The following SEC61A2 variants were observed in gnomAD, a reference collection of about 807,000 sequenced individuals.
The protein encoded by SEC61A2 is SEC61 translocon subunit alpha 2.
In SEC61A2, 28 loss-of-function variants were observed where a neutral mutation model predicts 59.9. That is an observed-to-expected ratio of 0.47 (90% CI 0.35 to 0.64). The LOEUF (loss-of-function observed/expected upper bound fraction) is 0.64, where lower values mean the gene tolerates loss of function less well. Ranked by LOEUF, SEC61A2 falls within the 30% of genes least tolerant of loss-of-function variation. SEC61A2 has a pLI of 0.01. For synonymous variants in SEC61A2, 202 were observed against 214.4 expected (o/e 0.94, Z 0.50); for missense variants, 340 against 585.9 (o/e 0.58, Z 4.33).
intron 1 of SEC61A2, among the ~76,000 whole-genome samples, chr10:12,131,804 C>T (rs1833745850): frequency 1.4e-5 from 2 of 141,018 alleles, no homozygotes; most frequent in Non-Finnish European, 1.5e-5. Context: ...CATTCTCCTG[C>T]CTCAGCCTCC....
At chr10:12,138,024 GATACATAC>G (rs759573424) in intron 3 of SEC61A2, among the ~76,000 whole-genome samples, 1 of 151,806 alleles carries the variant, frequency 6.6e-6, no homozygotes, top group African/African-American at 2.4e-5. Context: ...TAAATACATA[GATACATAC>G]ATACATACAT....
chr10:12,167,847 G>T, downstream of SEC61A2: 1 of 1,610,148 alleles, frequency 6.2e-7, no homozygotes, highest in Non-Finnish European at 8.5e-7. Context: ...AGATCATGCC[G>T]TTAAGGAAGG....
intron 1 of SEC61A2, chr10:12,130,800 C>T (rs573581717): frequency 6.5e-6 from 1 of 153,762 alleles, no homozygotes; most frequent in South Asian, 2.0e-4. Context: ...TCTCAAAAAC[C>T]GCAGTTACTT....
At chr10:12,140,848 T>C (rs1355221037) in intron 3 of SEC61A2, among the ~76,000 whole-genome samples, 1 of 151,850 alleles carries the variant, frequency 6.6e-6, no homozygotes, top group Non-Finnish European at 1.5e-5. Flanking sequence ...GATCCACCCA[T>C]CTCGACCTCC....
intron 6 of SEC61A2, among the ~76,000 whole-genome samples, chr10:12,151,321 T>C (rs972757439): frequency 6.7e-6 from 1 of 150,004 alleles, no homozygotes; most frequent in Non-Finnish European, 1.5e-5. Flanking sequence ...CTTTTCTTTT[T>C]TTTTTTTTTG....
chr10:12,129,751 G>A lies in SEC61A2; in HGVS notation c.-37G>A. 1.3e-6 allele frequency: 2 copies of A among 1,488,252 alleles called. No individual in the cohort carries two copies. The highest frequency in any genetic ancestry group is 1.4e-5 in the African/African-American group (1 of 69,178). The allele number at this position is 1,488,252 out of a possible 1,614,324, so 92.2% of individuals were successfully genotyped here. ...GGGAGTCGAGCGAAGGCAGCGCCGA[G>A]GCCGCGGTTTCCCCCTGGGCCTCCC... On this transcript the variant is annotated 5_prime_UTR_variant, in exon 1 of 12. Transcript: ENST00000298428. This position sits in a 1 kb window ranked among gnomAD's most constrained non-coding sequence, Gnocchi z 5.6.
intron 9 of SEC61A2, among the ~76,000 whole-genome samples, chr10:12,159,079 G>C (rs1834472782): frequency 6.6e-6 from 1 of 151,204 alleles, no homozygotes; most frequent in Non-Finnish European, 1.5e-5. Flanking sequence ...CCGGGTTCAT[G>C]CCATTCTCCT....
chr10:12,164,506 T>C lies in SEC61A2; in HGVS notation c.*52T>C, dbSNP rs771581655. 46 of 1,570,738 alleles carry C rather than the reference T, an allele frequency of 2.9e-5. No homozygotes were observed. The highest frequency in any genetic ancestry group is 3.5e-5 in the Non-Finnish European group (41 of 1,157,850). ...GTGAAAGGGAAAACACTTTGACGGA[T>C]CGTTTTTGTCAGATGACACTGGTGG... On this transcript the variant is annotated 3_prime_UTR_variant, in exon 12 of 12. Transcript: ENST00000298428. This position sits in a 1 kb window ranked among gnomAD's most constrained non-coding sequence, Gnocchi z 7.3.
chr10:12,137,362 C>G (rs1304661985), intron 3 of SEC61A2, among the ~76,000 whole-genome samples: 2 of 152,006 alleles, frequency 1.3e-5, no homozygotes, highest in Non-Finnish European at 2.9e-5. Context: ...ACTCTGTCAC[C>G]CAGGCTGCAG....
At chr10:12,157,437 G>T (rs1295269315) in intron 8 of SEC61A2, among the ~76,000 whole-genome samples, 2 of 151,448 alleles carry the variant, frequency 1.3e-5, no homozygotes, top group Non-Finnish European at 2.9e-5. Context: ...CCGAGTTCAA[G>T]TGATTCTCCT....
chr10:12,141,962 A>G (rs1834032820), intron 3 of SEC61A2, among the ~76,000 whole-genome samples: 1 of 152,208 alleles, frequency 6.6e-6, no homozygotes, highest in South Asian at 2.1e-4. Context: ...AGACAGAAGC[A>G]TAGTTTGGGG....
At position 12,156,849 on chromosome 10, in the gene SEC61A2, A is replaced by G. The variant is rs1386905272; in HGVS notation, c.617-58A>G. On this transcript the variant is annotated intron_variant, in intron 7 of 11. Transcript: ENST00000298428. The surrounding 1 kb of genome is among the most constrained non-coding windows in gnomAD (Gnocchi z 5.2). ...CTGGACTTTCACGGTTAGTTGTTTG[A>G]GCTTTGGGACAGCTTTGGACGATGA... 6.4e-7 allele frequency: 1 copy of G among 1,565,626 alleles called. No homozygotes were observed. Among genetic ancestry groups the G allele is most frequent in the African/African-American group, 1.4e-5 (1 of 72,330 alleles).
downstream of SEC61A2, chr10:12,165,680 A>AAAAG (rs1834658174): frequency 6.6e-6 from 1 of 152,270 alleles, no homozygotes; most frequent in Non-Finnish European, 1.5e-5. Flanking sequence ...TTTATTTCCC[A>AAAAG]AAAGATCAAA....
At chr10:12,157,293 G>A (rs1328516914) in intron 8 of SEC61A2, among the ~76,000 whole-genome samples, 1 of 152,014 alleles carries the variant, frequency 6.6e-6, no homozygotes, top group Admixed American at 6.6e-5. Flanking sequence ...GCAGACTCTC[G>A]ACAGTTTAAA....
chr10:12,160,463 A>G lies in SEC61A2; in HGVS notation c.976-467A>G, dbSNP rs1380691931. ...TATATTTATTAAAAGATTGCTCCTT[A>G]TAACATAGAAACCACATAAAGTCTA... is the stretch of plus-strand genomic sequence containing the variant. On this transcript the variant is annotated intron_variant, in intron 9 of 11. Coordinates refer to ENST00000298428, the MANE Select transcript of SEC61A2 (RefSeq NM_018144.4). The surrounding 1 kb of genome is among the most constrained non-coding windows in gnomAD (Gnocchi z 4.1). Among the ~76,000 whole-genome samples, 1 of 152,222 alleles carries G rather than the reference A, an allele frequency of 6.6e-6. No individual in the cohort carries two copies. The highest frequency in any genetic ancestry group is 2.4e-5 in the African/African-American group (1 of 41,462).
At chr10:12,163,339 A>G (rs1270677917) in intron 11 of SEC61A2, among the ~76,000 whole-genome samples, 1 of 37,892 alleles carries the variant, frequency 2.6e-5, no homozygotes, top group Non-Finnish European at 5.1e-5. Flanking sequence ...TTTTTTTTTT[A>G]TCTGAGATGG....
intron 2 of SEC61A2, among the ~76,000 whole-genome samples, chr10:12,135,367 A>G (rs1026419012): frequency 2.6e-5 from 4 of 152,198 alleles, no homozygotes; most frequent in African/African-American, 7.2e-5. Flanking sequence ...TTTTGAAGTA[A>G]AAGAGAAACT....
At chr10:12,133,096 G>A (rs1259807993) in intron 1 of SEC61A2, 145 bp from the exon 2 acceptor site, 3 of 519,156 alleles carry the variant, frequency 5.8e-6, no homozygotes, top group African/African-American at 5.8e-5. Flanking sequence ...CATTTGAAAT[G>A]GAGAACAGTA....
At chr10:12,163,389 G>A (rs550818030) in intron 11 of SEC61A2, among the ~76,000 whole-genome samples, 11 of 141,408 alleles carry the variant, frequency 7.8e-5, no homozygotes, top group East Asian at 6.2e-4. Context: ...CAGTGGCACC[G>A]TCTTGGCTCA....
Sources: gnomAD v4.1 joint callset for allele counts (sites outside exome capture counted in the v4.1 genomes callset) on GRCh38, gnomAD v4.1.1 for gene constraint, Gnocchi (gnomAD v3.1) non-coding constraint, MANE v1.5 for transcripts, NCBI Gene and HGNC (gene_info 2026-07-23, HGNC 2026-07-21) for gene names.